Variants in CNTNAP2 observed in about 807,000 individuals in gnomAD.
The protein encoded by CNTNAP2 is contactin-associated protein-like 2.
In CNTNAP2, 98 loss-of-function variants were observed where a neutral mutation model predicts 155.2. The ratio of observed to expected loss-of-function variants is 0.63; its 90% CI spans 0.54 to 0.75. CNTNAP2 has a LOEUF of 0.75. Ranked by LOEUF, CNTNAP2 falls within the 30% of genes least tolerant of loss-of-function variation. CNTNAP2 has a pLI of 0.00. For missense variants in CNTNAP2, 1,727 were observed against 1,688.1 expected (o/e 1.02, Z -0.40); for synonymous variants, 651 against 631.2 (o/e 1.03, Z -0.47).
At chr7:146,842,381 G>A (rs1294534712) in intron 3 of CNTNAP2, among the ~76,000 whole-genome samples, 3 of 151,962 alleles carry the variant, frequency 2.0e-5, no homozygotes, top group East Asian at 3.9e-4. Flanking sequence ...CAAATATTGT[G>A]TTTCTTATTA....
intron 13 of CNTNAP2, among the ~76,000 whole-genome samples, chr7:147,827,004 C>T (rs1188853721): frequency 6.8e-6 from 1 of 147,788 alleles, no homozygotes; most frequent in Non-Finnish European, 1.5e-5. Context: ...AATCTCGGCT[C>T]ACTGCAAGCT....
chr7:147,933,280 A>G lies in CNTNAP2; in HGVS notation c.2255+29559A>G, dbSNP rs1327522549. Among the ~76,000 whole-genome samples, 6 of 152,160 alleles carry G rather than the reference A, an allele frequency of 3.9e-5. 1 individual carries two copies. In the South Asian group the frequency reaches 1.2e-3, roughly 32 times the overall value. ...GTATAGAATGTTCTCAAAAAAATTA[A>G]AAGTAGAGTTGCCATATGATTTAAT... On this transcript the variant is annotated intron_variant, in intron 14 of 23. Coordinates refer to ENST00000361727, the MANE Select transcript of CNTNAP2 (RefSeq NM_014141.6).
At chr7:146,471,578 A>G (rs1796799526) in intron 1 of CNTNAP2, among the ~76,000 whole-genome samples, 1 of 152,262 alleles carries the variant, frequency 6.6e-6, no homozygotes, top group Non-Finnish European at 1.5e-5. Context: ...TTGTGCCAGC[A>G]TAATGAATGC....
chr7:146,280,588 T>C (rs1455514101), intron 1 of CNTNAP2, among the ~76,000 whole-genome samples: 1 of 152,210 alleles, frequency 6.6e-6, no homozygotes, highest in Non-Finnish European at 1.5e-5. Flanking sequence ...CCTCAGTGAT[T>C]CTGAATTCTG....
chr7:147,249,656 C>T (rs1238874961), intron 8 of CNTNAP2, among the ~76,000 whole-genome samples: 2 of 140,468 alleles, frequency 1.4e-5, no homozygotes, highest in African/African-American at 5.3e-5. Flanking sequence ...ATCTCTCTCT[C>T]ACACCACAGA....
chr7:148,070,889 T>C (rs1167275305), intron 15 of CNTNAP2, among the ~76,000 whole-genome samples: 1 of 152,194 alleles, frequency 6.6e-6, no homozygotes, highest in African/African-American at 2.4e-5. Context: ...CAGGAATTAT[T>C]TGAATTAGAA....
chr7:147,768,152 T>C (rs1052655710), intron 13 of CNTNAP2, among the ~76,000 whole-genome samples: 1 of 152,126 alleles, frequency 6.6e-6, no homozygotes, highest in African/African-American at 2.4e-5. Flanking sequence ...ATCTAATGTC[T>C]CATCTGAAAA....
At chr7:146,335,594 T>C (rs1801260844) in intron 1 of CNTNAP2, among the ~76,000 whole-genome samples, 1 of 152,184 alleles carries the variant, frequency 6.6e-6, no homozygotes, top group African/African-American at 2.4e-5. Flanking sequence ...TTTTGACGGT[T>C]TTCTCTGGAG....
intron 22 of CNTNAP2, among the ~76,000 whole-genome samples, chr7:148,404,330 C>G (rs1042028388): frequency 6.6e-6 from 1 of 152,156 alleles, no homozygotes; most frequent in Admixed American, 6.5e-5. Flanking sequence ...AGTCTGAGGT[C>G]GCTGAGGATA....
chr7:146,616,653 T>C (rs1477095863), intron 1 of CNTNAP2, among the ~76,000 whole-genome samples: 1 of 152,208 alleles, frequency 6.6e-6, no homozygotes, highest in African/African-American at 2.4e-5. Context: ...TCTGCATACC[T>C]GCTTAATACC....
At chr7:146,475,606 A>G (rs548337387) in intron 1 of CNTNAP2, among the ~76,000 whole-genome samples, 15 of 152,320 alleles carry the variant, frequency 9.8e-5, no homozygotes, top group Admixed American at 9.1e-4. Context: ...AGTGAATGGT[A>G]TACAGTCAAG....
chr7:147,076,081 G>A (rs1249340747), intron 4 of CNTNAP2, among the ~76,000 whole-genome samples: 2 of 152,102 alleles, frequency 1.3e-5, no homozygotes, highest in Non-Finnish European at 2.9e-5. Context: ...GAATAGTGCT[G>A]CAGTAAACAT....
chr7:147,378,926 C>T (rs1584911978), intron 9 of CNTNAP2, among the ~76,000 whole-genome samples: 2 of 152,038 alleles, frequency 1.3e-5, no homozygotes, highest in East Asian at 1.9e-4. Flanking sequence ...TCCCATAATC[C>T]CTACATGTCG....
rs148027766 is a variant in CNTNAP2 at position 146,574,686 on chromosome 7, C to G, written c.98-199585C>G. 3.0e-4 allele frequency among the ~76,000 whole-genome samples: 46 copies of G among 152,134 alleles called. 3 individuals carry two copies. The East Asian group carries it at 8.9e-3, about 29-fold the overall frequency. On this transcript the variant is annotated intron_variant, in intron 1 of 23. Transcript: ENST00000361727. Reference sequence around the variant, plus strand: ...ACTGCACTCCAGCCTGGTGACAGAGCGAGACTCCATCTCAAAAAACAAACA... The same window carrying G: ...ACTGCACTCCAGCCTGGTGACAGAGGGAGACTCCATCTCAAAAAACAAACA...
intron 21 of CNTNAP2, among the ~76,000 whole-genome samples, chr7:148,310,336 G>A (rs1457259283): frequency 6.6e-6 from 1 of 152,188 alleles, no homozygotes; most frequent in Non-Finnish European, 1.5e-5. Context: ...TTTTTCAGCA[G>A]TGAGTAAGTC....
chr7:147,840,885 C>A (rs1798716909), intron 13 of CNTNAP2, among the ~76,000 whole-genome samples: 1 of 151,646 alleles, frequency 6.6e-6, no homozygotes, highest in Non-Finnish European at 1.5e-5. Context: ...AATTAGCCCT[C>A]ATGACTTTAT....
At chr7:146,868,783 A>T (rs763325699) in intron 3 of CNTNAP2, among the ~76,000 whole-genome samples, 20 of 152,066 alleles carry the variant, frequency 1.3e-4, no homozygotes, top group Middle Eastern at 3.4e-3. Flanking sequence ...GGCAATTGTG[A>T]GTGGGATTGC....
At chr7:146,302,160 G>A (rs1003510299) in intron 1 of CNTNAP2, among the ~76,000 whole-genome samples, 4 of 152,022 alleles carry the variant, frequency 2.6e-5, no homozygotes, top group African/African-American at 9.7e-5. Context: ...AGAAAGTAAG[G>A]CATCATATAC....
chr7:146,797,563 G>A (rs1267760153), intron 2 of CNTNAP2, among the ~76,000 whole-genome samples: 1 of 152,178 alleles, frequency 6.6e-6, no homozygotes, highest in Non-Finnish European at 1.5e-5. Flanking sequence ...TGTTTCAAGT[G>A]AAAAATGTTG....
Sources: gnomAD v4.1 joint callset for allele counts (sites outside exome capture counted in the v4.1 genomes callset) on GRCh38, gnomAD v4.1.1 for gene constraint, MANE v1.5 for transcripts, NCBI Gene and HGNC (gene_info 2026-07-23, HGNC 2026-07-21) for gene names.